SLC22A15: variants seen among roughly 807,000 people sequenced by gnomAD.
SLC22A15 encodes the protein solute carrier family 22 member 15, also known as flipt 1.
A neutral mutation model predicts 62.7 loss-of-function variants in SLC22A15; 45 were observed. The ratio of observed to expected loss-of-function variants is 0.72; its 90% CI spans 0.56 to 0.92. SLC22A15 has a LOEUF of 0.92. SLC22A15 is among the 40% of genes least tolerant of loss of function. The pLI, the probability that SLC22A15 is intolerant of heterozygous loss-of-function variation, is 0.00. For missense variants in SLC22A15, 622 were observed against 665.6 expected, an observed-to-expected ratio of 0.93 and a Z score of 0.72; for synonymous variants, 264 against 267.0, an observed-to-expected ratio of 0.99 and a Z score of 0.11.
chr1:116,007,000 G>A (rs925310335), intron 2 of SLC22A15, among the ~76,000 whole-genome samples: 1 of 152,032 alleles, frequency 6.6e-6, no homozygotes, highest in Admixed American at 6.5e-5. Context: ...TGCGTAGACT[G>A]GGATGTATAT....
intron 2 of SLC22A15, among the ~76,000 whole-genome samples, chr1:115,997,753 C>T (rs1655499178): frequency 6.6e-6 from 1 of 151,944 alleles, no homozygotes; most frequent in Non-Finnish European, 1.5e-5. Context: ...GGTAATTTGA[C>T]TTCTTCCTTT....
chr1:116,066,566 G>A lies in SLC22A15; in HGVS notation c.1412G>A (p.Gly471Asp), dbSNP rs528614153. The change falls in exon 11 of 12, where the codon GGT (glycine) becomes GAT (aspartate). Residue 471 changes from glycine (G) to aspartate (D), a missense_variant. Physicochemically the swap from Gly to Asp is moderately conservative, Grantham distance 94. Transcript: ENST00000369503. ...CCATTCATTGTCTTCGGAGCCACGGGTCTGACCTCCGGCCTCCTGAGTTTG... is the reference window on the plus strand; with the variant it reads ...CCATTCATTGTCTTCGGAGCCACGGATCTGACCTCCGGCCTCCTGAGTTTG... ...SLPFIVFGAT[G>D]LTSGLLSLLL... 3.7e-5 allele frequency: 60 copies of A among 1,607,970 alleles called. 1 individual carries two copies. The South Asian group carries it at 6.5e-4, about 17-fold the overall frequency.
At chr1:116,041,261 AAG>A (rs1657777794) in intron 8 of SLC22A15, among the ~76,000 whole-genome samples, 1 of 152,220 alleles carries the variant, frequency 6.6e-6, no homozygotes. Flanking sequence ...TATGATACAA[AAG>A]ATACTATTCA....
intron 4 of SLC22A15, among the ~76,000 whole-genome samples, chr1:116,026,417 T>G (rs1320536024): frequency 6.6e-6 from 1 of 150,650 alleles, no homozygotes; most frequent in Non-Finnish European, 1.5e-5. Context: ...CAGAGCGAGA[T>G]TCTGTCTCAA....
At chr1:116,045,885 G>C (rs563468774) in intron 8 of SLC22A15, among the ~76,000 whole-genome samples, 3 of 151,564 alleles carry the variant, frequency 2.0e-5, no homozygotes, top group Admixed American at 6.6e-5. Flanking sequence ...TTTTTTGACA[G>C]AGCTGAGGTT....
intron 1 of SLC22A15, among the ~76,000 whole-genome samples, chr1:115,988,307 G>T (rs1303686593): frequency 1.3e-5 from 2 of 152,182 alleles, no homozygotes; most frequent in Non-Finnish European, 2.9e-5. Flanking sequence ...GGTAGTTGTA[G>T]ATAACAGTGG....
chr1:116,062,216 CAGAA>C (rs561242995), intron 8 of SLC22A15, among the ~76,000 whole-genome samples: 13 of 152,140 alleles, frequency 8.5e-5, no homozygotes, highest in Admixed American at 2.6e-4. Flanking sequence ...TCTCAAAAAA[CAGAA>C]AGAAAGAACA....
At chr1:116,053,964 A>G (rs1658129332) in intron 8 of SLC22A15, among the ~76,000 whole-genome samples, 1 of 152,180 alleles carries the variant, frequency 6.6e-6, no homozygotes, top group South Asian at 2.1e-4. Context: ...CAAAATGTAA[A>G]GACCATCGAG....
intron 2 of SLC22A15, among the ~76,000 whole-genome samples, chr1:115,993,980 C>T (rs540245854): frequency 5.3e-5 from 8 of 152,216 alleles, no homozygotes; most frequent in Non-Finnish European, 1.2e-4. Flanking sequence ...CTAAGGCTCA[C>T]TTTCAGTGTC....
intron 1 of SLC22A15, among the ~76,000 whole-genome samples, chr1:115,978,397 G>T (rs1468936602): frequency 6.6e-6 from 1 of 152,164 alleles, no homozygotes; most frequent in Non-Finnish European, 1.5e-5. Context: ...CTATCAAAAA[G>T]TTCCAAGCCC....
chr1:116,068,327 G>C lies in SLC22A15; in HGVS notation c.*1219G>C, dbSNP rs1055115322. On this transcript the variant is annotated 3_prime_UTR_variant, in exon 12 of 12. Transcript: ENST00000369503. ...CATTGATTTAGGTCACTTTCCCAGT[G>C]AGGAAAATTTCTGTGTTTTCAGAAT... 6.6e-6 allele frequency: 1 copy of C among 152,626 alleles called. No individual in the cohort carries two copies. The highest frequency in any genetic ancestry group is 1.5e-5 in the Non-Finnish European group (1 of 68,032). 9.5% of individuals were successfully genotyped at this position (152,626 alleles called of 1,614,324 possible). A position where few individuals can be genotyped will look rare whatever the true frequency, so the allele number is the denominator to read the frequency against.
intron 6 of SLC22A15, chr1:116,031,815 A>G: frequency 7.2e-7 from 1 of 1,383,228 alleles, no homozygotes; most frequent in African/African-American, 1.5e-5. Flanking sequence ...AGCTTGAGTA[A>G]GTAGACATCA....
chr1:116,005,589 G>A (rs1417400603), intron 2 of SLC22A15, among the ~76,000 whole-genome samples: 2 of 152,082 alleles, frequency 1.3e-5, no homozygotes, highest in African/African-American at 4.8e-5. Context: ...TAGCTCTTTA[G>A]TCTCCTAGAT....
At chr1:116,006,096 A>T (rs1655965683) in intron 2 of SLC22A15, among the ~76,000 whole-genome samples, 1 of 152,216 alleles carries the variant, frequency 6.6e-6, no homozygotes, top group African/African-American at 2.4e-5. Flanking sequence ...GCTTGACCTA[A>T]GCAACATTTA....
In SLC22A15 at chr1:116,068,427, C is replaced by A. The variant is rs545460672; in HGVS notation, c.*1319C>A. On this transcript the variant is annotated 3_prime_UTR_variant, in exon 12 of 12. Transcript: ENST00000369503. ...ATAGAAGACGTCACTGTGGCTGCTT[C>A]TGGAAGTGCTGGAAGCATCACCCCA... 1 of 152,496 alleles carries A rather than the reference C, an allele frequency of 6.6e-6. No homozygotes were observed. The highest frequency in any genetic ancestry group is 2.4e-5 in the African/African-American group (1 of 41,446). The allele number at this position is 152,496 out of a possible 1,614,324, so 9.4% of individuals were successfully genotyped here. A position where few individuals can be genotyped will look rare whatever the true frequency, so the allele number is the denominator to read the frequency against.
chr1:116,036,188 A>G (rs1340670724), intron 7 of SLC22A15, among the ~76,000 whole-genome samples: 1 of 152,118 alleles, frequency 6.6e-6, no homozygotes, highest in Non-Finnish European at 1.5e-5. Flanking sequence ...CAAGAGCTGG[A>G]TCAGGTATTG....
intron 8 of SLC22A15, among the ~76,000 whole-genome samples, chr1:116,060,399 A>C (rs1238638879): frequency 6.6e-6 from 1 of 152,200 alleles, no homozygotes; most frequent in Non-Finnish European, 1.5e-5. Flanking sequence ...CTACAGCTGG[A>C]GCTATCCTGA....
chr1:116,029,151 T>G (rs1429114624), intron 5 of SLC22A15, among the ~76,000 whole-genome samples: 1 of 152,198 alleles, frequency 6.6e-6, no homozygotes, highest in Non-Finnish European at 1.5e-5. Context: ...ACAAAAACAT[T>G]TGGAATCACC....
At chr1:116,050,123 A>T (rs1658013047) in intron 8 of SLC22A15, among the ~76,000 whole-genome samples, 2 of 152,154 alleles carry the variant, frequency 1.3e-5, no homozygotes, top group African/African-American at 4.8e-5. Flanking sequence ...CCAACAAAAA[A>T]AAGTCCAGGA....
Sources: allele counts gnomAD v4.1 joint callset (sites outside exome capture counted in the v4.1 genomes callset), GRCh38; gene constraint gnomAD v4.1.1; transcripts MANE v1.5; gene names NCBI Gene and HGNC (gene_info 2026-07-23, HGNC 2026-07-21).